Variants in PRKAA1 observed in about 807,000 individuals in gnomAD.
The protein encoded by PRKAA1 is 5'-AMP-activated protein kinase catalytic subunit alpha-1.
A neutral mutation model predicts 56.9 loss-of-function variants in PRKAA1; 23 were observed. The observed-to-expected ratio is 0.40, with a 90% CI of 0.29 to 0.57. The LOEUF (loss-of-function observed/expected upper bound fraction) is 0.57, where lower values mean the gene tolerates loss of function less well. Among genes scored for constraint, PRKAA1 ranks in the 20% least tolerant of loss-of-function variants. The probability of loss-of-function intolerance (pLI) is 0.39; values close to 1 mark genes in which losing one functional copy is unlikely to be tolerated. For missense variants in PRKAA1, 413 were observed against 679.7 expected (o/e 0.61, Z 4.36); for synonymous variants, 226 against 227.0 (o/e 1.00, Z 0.04).
chr5:40,764,936 A>T lies in PRKAA1; in HGVS notation c.1124T>A (p.Val375Glu). 6.2e-7 allele frequency: 1 copy of T among 1,614,080 alleles called. No individual in the cohort carries two copies. Among genetic ancestry groups the T allele is most frequent in the Non-Finnish European group, 8.5e-7 (1 of 1,179,998 alleles). Residue 375 changes from valine (V) to glutamate (E), a missense_variant, in exon 7 of 9, where the codon GTA (valine) becomes GAA (glutamate). By Grantham distance (121) the Val-to-Glu change is moderately radical. Coordinates refer to ENST00000397128, the MANE Select transcript of PRKAA1 (RefSeq NM_006251.6). Reference protein sequence around the residue: ...HHLTRPHPERVPFLVAETPRA... With the variant: ...HHLTRPHPEREPFLVAETPRA... Reference sequence around the variant, plus strand: ...TGGTGTTTCAGCAACCAAGAATGGTACTCTTTCAGGATGGGGCCGAGTCAG... The same window carrying T: ...TGGTGTTTCAGCAACCAAGAATGGTTCTCTTTCAGGATGGGGCCGAGTCAG...
In PRKAA1 at chr5:40,767,658, C is replaced by T; in HGVS notation, c.629G>A (p.Ser210Asn). The T allele has an allele frequency of 6.2e-7, 1 of 1,612,978 alleles. No homozygotes were observed. The highest frequency in any genetic ancestry group is 8.5e-7 in the Non-Finnish European group (1 of 1,179,060). The change falls in exon 6 of 9, where the codon AGC becomes AAC. Residue 210 changes from serine (S) to asparagine (N), a missense_variant. Physicochemically the swap from Ser to Asn is conservative, Grantham distance 46 (BLOSUM62 1). This residue lies in a region of PRKAA1 where 113 missense variants were observed against 198.6 expected (regional missense o/e 0.57). Coordinates refer to ENST00000397128, the MANE Select transcript of PRKAA1 (RefSeq NM_006251.6). ...LYAGPEVDIW[S>N]SGVILYALLC... ...TAAAGCATAGAGAATAACCCCACTG[C>T]TCCATATATCTACCTCTGGGCCTGC... is the stretch of plus-strand genomic sequence containing the variant.
At chr5:40,769,958 C>A (rs1445512218) in intron 4 of PRKAA1, among the ~76,000 whole-genome samples, 3 of 149,344 alleles carry the variant, frequency 2.0e-5, no homozygotes, top group African/African-American at 7.4e-5. Context: ...GAAACTGTTG[C>A]TCCCTCAAAA....
rs530216389 is a variant in PRKAA1 at position 40,778,460 on chromosome 5, G to A, written c.128-874C>T. Among the ~76,000 whole-genome samples, 32 of 152,216 alleles carry A rather than the reference G, an allele frequency of 2.1e-4. No homozygotes were observed. The South Asian group carries it at 6.2e-3, about 30-fold the overall frequency. On this transcript the variant is annotated intron_variant, in intron 1 of 8. Transcript: ENST00000397128. The stretch of plus-strand genomic sequence containing the variant: ...AGAAAGCTAGAAGACTAAAGGAAGA[G>A]GGGAAGGAGACTTTTTTGCTGTATA...
Position 40,762,742 on chromosome 5 carries a change from C to G in PRKAA1, c.*36G>C. 1 of 1,608,298 alleles carries G rather than the reference C, an allele frequency of 6.2e-7. No individual in the cohort carries two copies. On this transcript the variant is annotated 3_prime_UTR_variant, in exon 9 of 9. Coordinates refer to ENST00000397128, the MANE Select transcript of PRKAA1 (RefSeq NM_006251.6). ...ATTTGGCTGTGACTTATTATGCATG[C>G]TTATTGCTGCAAAAGAAATAAGCAA...
intron 1 of PRKAA1, among the ~76,000 whole-genome samples, chr5:40,797,423 C>T (rs1020845905): frequency 1.3e-5 from 2 of 152,160 alleles, no homozygotes; most frequent in Admixed American, 1.3e-4. Flanking sequence ...AGAACGTAAA[C>T]CATGCATCGC....
rs768829085 is a variant in PRKAA1, at chr5:40,771,832, T to C, written c.395A>G (p.Gln132Arg). ...ATAATCCACACCAGAAAGGATCTGTTGGAACAGACGCCGACTTTCTTTTTC... is the reference window on the plus strand; with the variant it reads ...ATAATCCACACCAGAAAGGATCTGTCGGAACAGACGCCGACTTTCTTTTTC... The part of the protein sequence containing the change: ...LDEKESRRLF[Q>R]QILSGVDYCH... The change falls in exon 4 of 9, where the codon CAA becomes CGA. Residue 132 changes from glutamine to arginine, a missense_variant. By Grantham distance (43) the Gln-to-Arg change is conservative (BLOSUM62 1). This residue lies in a region of PRKAA1 where 29 missense variants were observed against 44.2 expected (regional missense o/e 0.66). Transcript: ENST00000397128. The C allele has an allele frequency of 1.2e-6, 2 of 1,611,150 alleles. No individual in the cohort carries two copies. Among genetic ancestry groups the C allele is most frequent in the Non-Finnish European group, 1.7e-6 (2 of 1,179,446 alleles).
At chr5:40,797,981 C>G (rs1412873416) in intron 1 of PRKAA1, 82 bp downstream of exon 1, 7 of 1,556,606 alleles carry the variant, frequency 4.5e-6, no homozygotes, top group Admixed American at 1.7e-5. Flanking sequence ...ACGCAGCGGG[C>G]GGGGGAGGAT....
Position 40,768,680 on chromosome 5 carries a change from TAATC to T in PRKAA1, c.596+732_596+735del, listed in dbSNP as rs964108807. On this transcript the variant is annotated intron_variant, in intron 5 of 8. Coordinates refer to ENST00000397128, the MANE Select transcript of PRKAA1 (RefSeq NM_006251.6). The stretch of plus-strand genomic sequence containing the variant: ...ATACTACAGTATTTCTGCATTGAGT[TAATC>T]AAGATGCAAAACATTCACACAAATA... The T allele has an allele frequency of 1.4e-5, 17 of 1,257,468 alleles. No individual in the cohort carries two copies. In the African/African-American group the frequency reaches 2.0e-4, roughly 15 times the overall value. 77.9% of individuals were successfully genotyped at this position (1,257,468 alleles called of 1,614,324 possible).
chr5:40,779,707 T>C (rs1744182553), intron 1 of PRKAA1, among the ~76,000 whole-genome samples: 1 of 152,176 alleles, frequency 6.6e-6, no homozygotes, highest in Admixed American at 6.5e-5. Context: ...CACTACCGTT[T>C]GCACAAAAAC....
chr5:40,798,098 T>A lies in PRKAA1; in HGVS notation c.92A>T (p.Asp31Val), dbSNP rs1429046828. 1 of 1,608,226 alleles carries A rather than the reference T, an allele frequency of 6.2e-7. No individual in the cohort carries two copies. The highest frequency in any genetic ancestry group is 1.3e-5 in the African/African-American group (1 of 74,140). ...GCCGAAGGTGCCGACCCCCAGCGTG[T>A]CACCCAGAATGTAGTGGCCGATCTT... ...RVKIGHYILGDTLGVGTFGKV... is the reference protein window; with the variant it reads ...RVKIGHYILGVTLGVGTFGKV... Residue 31 changes from aspartate (D) to valine (V), a missense_variant, in exon 1 of 9, where the codon GAC becomes GTC. Asp to Val is a radical substitution (Grantham distance 152). Transcript: ENST00000397128.
In PRKAA1 at chr5:40,761,593, G is replaced by A. The variant is rs1287174141; in HGVS notation, c.*1185C>T. On this transcript the variant is annotated 3_prime_UTR_variant, in exon 9 of 9. Transcript: ENST00000397128. ...TTTCAATTTTTCTGTTTTTAAAAATGTTCATAATAAAATTTGGGGGGGAAG... is the reference window on the plus strand; with the variant it reads ...TTTCAATTTTTCTGTTTTTAAAAATATTCATAATAAAATTTGGGGGGGAAG... 6.6e-6 allele frequency: 1 copy of A among 152,086 alleles called. No individual in the cohort carries two copies. Among genetic ancestry groups the A allele is most frequent in the Non-Finnish European group, 1.5e-5 (1 of 67,988 alleles). The allele number at this position is 152,086 out of a possible 1,614,324, so 9.4% of individuals were successfully genotyped here.
At chr5:40,782,097 A>C (rs1399309645) in intron 1 of PRKAA1, among the ~76,000 whole-genome samples, 2 of 152,182 alleles carry the variant, frequency 1.3e-5, no homozygotes, top group Non-Finnish European at 2.9e-5. Flanking sequence ...CAGGACTGGG[A>C]AATAGCCACA....
chr5:40,795,006 T>TACACAC (rs1468122343), intron 1 of PRKAA1, among the ~76,000 whole-genome samples: 426 of 139,948 alleles, frequency 3.0e-3, no homozygotes, highest in African/African-American at 0.012. Context: ...TATACATATA[T>TACACAC]ATACACACAC....
intron 1 of PRKAA1, among the ~76,000 whole-genome samples, chr5:40,784,217 T>C (rs938693296): frequency 6.6e-6 from 1 of 152,240 alleles, no homozygotes; most frequent in Non-Finnish European, 1.5e-5. Context: ...AATCTCTGAA[T>C]AGCCAGTTTT....
intron 3 of PRKAA1, chr5:40,775,064 T>C (rs2112030078): frequency 1.0e-6 from 1 of 959,998 alleles, no homozygotes; most frequent in East Asian, 2.5e-5. Context: ...TTTGTAACGA[T>C]TAATTACATT....
intron 2 of PRKAA1, chr5:40,777,154 A>C: frequency 5.1e-6 from 1 of 196,942 alleles, no homozygotes. Flanking sequence ...CTGGTATTAC[A>C]GGCGCCCACC....
At chr5:40,773,133 C>A (rs1287970174) in intron 3 of PRKAA1, among the ~76,000 whole-genome samples, 1 of 152,084 alleles carries the variant, frequency 6.6e-6, no homozygotes, top group Non-Finnish European at 1.5e-5. Context: ...CAGACTTACA[C>A]CTTAAAGGGC....
chr5:40,786,064 G>C (rs1169390828), intron 1 of PRKAA1, among the ~76,000 whole-genome samples: 1 of 152,102 alleles, frequency 6.6e-6, no homozygotes, highest in Non-Finnish European at 1.5e-5. Context: ...AGACCAGCCT[G>C]GCCAACATGG....
At chr5:40,783,238 A>C (rs944263019) in intron 1 of PRKAA1, among the ~76,000 whole-genome samples, 2 of 152,214 alleles carry the variant, frequency 1.3e-5, no homozygotes, top group African/African-American at 4.8e-5. Context: ...AAGGCTGACC[A>C]ATTTCAGAGA....
Sources: gnomAD v4.1 joint callset for allele counts (sites outside exome capture counted in the v4.1 genomes callset) on GRCh38, gnomAD v4.1.1 for gene constraint, gnomAD v4.1.1 regional missense constraint, MANE v1.5 for transcripts, NCBI Gene and HGNC (gene_info 2026-07-23, HGNC 2026-07-21) for gene names.